CUX2: variants seen among roughly 807,000 people sequenced by gnomAD.
The protein encoded by CUX2 is homeobox protein cut-like 2.
Under a neutral mutation model 144.8 loss-of-function variants are expected in CUX2, and 40 were observed. The observed-to-expected ratio is 0.28, with a 90% CI of 0.21 to 0.36. The LOEUF (loss-of-function observed/expected upper bound fraction) is 0.36, where lower values mean the gene tolerates loss of function less well. Ranked by LOEUF, CUX2 falls within the 10% of genes least tolerant of loss-of-function variation. CUX2 has a pLI of 1.00. For missense variants in CUX2, 1,615 were observed against 1,994.0 expected (o/e 0.81, Z 3.62); for synonymous variants, 827 against 875.6 (o/e 0.94, Z 0.98).
chr12:111,334,444 G>C lies in CUX2; in HGVS notation c.2930G>C (p.Ser977Thr). 1 of 1,587,682 alleles carries C rather than the reference G, an allele frequency of 6.3e-7. No individual in the cohort carries two copies. The highest frequency in any genetic ancestry group is 8.6e-7 in the Non-Finnish European group (1 of 1,167,038). Residue 977 changes from serine to threonine, a missense_variant, in exon 19 of 22, where the codon AGT becomes ACT. This residue lies in a region of CUX2 where 128 missense variants were observed against 124.4 expected (regional missense o/e 1.03). Transcript: ENST00000261726. ...TCTCTTTCTCTGTGGCCCACAGCCA[G>C]TCCCACAGAACCAAGGTCCTCACCA... is the stretch of plus-strand genomic sequence containing the variant. ...VGQQPGASQA[S>T]PTEPRSSPSP...
chr12:111,347,929 C>T lies in CUX2; in HGVS notation c.4065C>T (p.Thr1355=). Residue 1355 remains threonine (T), a synonymous_variant, in exon 22 of 22, where the codon ACC becomes ACT. Transcript: ENST00000261726. ...APGPLLPGGS[T]PDCPSLHPQQ... Reference sequence around the variant, plus strand: ...GGCCCCTCCTTCCAGGTGGATCCACCCCAGACTGTCCCTCACTTCATCCCC... The same window carrying T: ...GGCCCCTCCTTCCAGGTGGATCCACTCCAGACTGTCCCTCACTTCATCCCC... 6.2e-6 allele frequency: 10 copies of T among 1,614,130 alleles called. No homozygotes were observed. The highest frequency in any genetic ancestry group is 7.6e-6 in the Non-Finnish European group (9 of 1,180,038).
intron 3 of CUX2, among the ~76,000 whole-genome samples, chr12:111,247,745 A>G (rs1462328969): frequency 1.3e-5 from 2 of 152,182 alleles, no homozygotes. Flanking sequence ...TTTTGGCTTC[A>G]GCCCTCATGT....
intron 4 of CUX2, among the ~76,000 whole-genome samples, chr12:111,269,632 C>T (rs1884544855): frequency 6.6e-6 from 1 of 152,172 alleles, no homozygotes; most frequent in Non-Finnish European, 1.5e-5. Flanking sequence ...ACAGAAGGGT[C>T]TTACGGCCCC....
At chr12:111,185,779 C>A (rs543907618) in intron 1 of CUX2, among the ~76,000 whole-genome samples, 63 of 152,312 alleles carry the variant, frequency 4.1e-4, no homozygotes, top group African/African-American at 1.3e-3. Flanking sequence ...CCAGTCCCAG[C>A]TCAGCCTGGC....
intron 4 of CUX2, among the ~76,000 whole-genome samples, chr12:111,267,793 C>T (rs1884457128): frequency 6.6e-6 from 1 of 152,022 alleles, no homozygotes; most frequent in South Asian, 2.1e-4. Flanking sequence ...GTATCTTTGT[C>T]TCAATCTCCC....
intron 16 of CUX2, among the ~76,000 whole-genome samples, chr12:111,318,245 C>CTTTTTTTTT (rs541676829): frequency 1.3e-5 from 1 of 78,886 alleles, no homozygotes; most frequent in Non-Finnish European, 2.2e-5. Context: ...TTTCTTTTTT[C>CTTTTTTTTT]TTTTTTTTTT....
chr12:111,196,558 C>A (rs1880254222), intron 1 of CUX2, among the ~76,000 whole-genome samples: 1 of 152,108 alleles, frequency 6.6e-6, no homozygotes, highest in African/African-American at 2.4e-5. Context: ...ATTCTGGGAG[C>A]CACTGGAGCT....
At position 111,314,134 on chromosome 12, in the gene CUX2, C is replaced by T. The variant is rs7301420; in HGVS notation, c.2002+1933C>T. ...GCCTAATTTCCCTCTTGGTCAGTTC[C>T]AGTAGCAAGAGAGATGCAAGACAGA... On this transcript the variant is annotated intron_variant, in intron 16 of 21. Transcript: ENST00000261726. 9.5e-3 allele frequency among the ~76,000 whole-genome samples: 1,443 copies of T among 152,282 alleles called. 24 individuals carry two copies. Among genetic ancestry groups the T allele is most frequent in the African/African-American group, 0.033 (1,387 of 41,554 alleles).
Position 111,312,024 on chromosome 12 carries a change from C to T in CUX2, c.1901-76C>T, listed in dbSNP as rs558959117. 1.4e-5 allele frequency: 18 copies of T among 1,294,986 alleles called. No individual in the cohort carries two copies. The highest frequency in any genetic ancestry group is 1.8e-5 in the Non-Finnish European group (17 of 925,536). The allele number at this position is 1,294,986 out of a possible 1,614,324, so 80.2% of individuals were successfully genotyped here. ...TCACTCTTCTGGGAGGAGGAGACAGCCCCCCTACCCCACCAGGCTCCGGAG... is the reference window on the plus strand; with the variant it reads ...TCACTCTTCTGGGAGGAGGAGACAGTCCCCCTACCCCACCAGGCTCCGGAG... On this transcript the variant is annotated intron_variant, in intron 15 of 21. Coordinates refer to ENST00000261726, the MANE Select transcript of CUX2 (RefSeq NM_015267.4). This position sits in a 1 kb window ranked among gnomAD's most constrained non-coding sequence, Gnocchi z 4.3.
At chr12:111,273,705 G>T (rs771062280) in intron 4 of CUX2, among the ~76,000 whole-genome samples, 3 of 152,178 alleles carry the variant, frequency 2.0e-5, no homozygotes, top group Non-Finnish European at 2.9e-5. Flanking sequence ...GAGGAAGAAA[G>T]GAGCAAGACT....
chr12:111,299,804 C>T (rs543486666), intron 9 of CUX2, among the ~76,000 whole-genome samples: 2 of 152,342 alleles, frequency 1.3e-5, no homozygotes, highest in East Asian at 3.9e-4. Flanking sequence ...TCCTCCCCTG[C>T]AGCAGCCTCT....
At position 111,291,469 on chromosome 12, in the gene CUX2, C is replaced by A. The variant is rs1208831220; in HGVS notation, c.353C>A (p.Pro118His). The change falls in exon 5 of 22, where the codon CCC becomes CAC. Residue 118 changes from proline (P) to histidine (H), a missense_variant. Coordinates refer to ENST00000261726, the MANE Select transcript of CUX2 (RefSeq NM_015267.4). ...AARSLDDRLQ[P>H]PSFDPSGQPR... ...CGCAGCCTAGACGACAGACTGCAGC[C>A]CCCCAGCTTTGACCCCAGTGGGCAG... 1 of 1,612,706 alleles carries A rather than the reference C, an allele frequency of 6.2e-7. No homozygotes were observed. The highest frequency in any genetic ancestry group is 8.5e-7 in the Non-Finnish European group (1 of 1,179,424).
At chr12:111,302,899 T>TAAAAAAAAAAA (rs35454022) in intron 9 of CUX2, among the ~76,000 whole-genome samples, 3 of 109,464 alleles carry the variant, frequency 2.7e-5, no homozygotes, top group Non-Finnish European at 4.0e-5. Flanking sequence ...GACTCTGTCT[T>TAAAAAAAAAAA]AAAAAAAAAA....
Position 111,320,788 on chromosome 12 carries a change from C to A in CUX2, c.2766+13C>A, listed in dbSNP as rs1418779752. ...CTTCGGGGAGAAGGTGAGTGCAGGGCGGGCCCCCGGTGTCTGGGCTCTGGG... is the reference window on the plus strand; with the variant it reads ...CTTCGGGGAGAAGGTGAGTGCAGGGAGGGCCCCCGGTGTCTGGGCTCTGGG... On this transcript the variant is annotated intron_variant, in intron 17 of 21. Transcript: ENST00000261726. This position sits in a 1 kb window ranked among gnomAD's most constrained non-coding sequence, Gnocchi z 8.1. 1 of 1,501,368 alleles carries A rather than the reference C, an allele frequency of 6.7e-7. No individual in the cohort carries two copies. The highest frequency in any genetic ancestry group is 8.9e-7 in the Non-Finnish European group (1 of 1,128,616). The allele number at this position is 1,501,368 out of a possible 1,614,324, so 93.0% of individuals were successfully genotyped here.
In CUX2 at chr12:111,068,255, C is replaced by T. The variant is rs1202306315; in HGVS notation, c.63+34015C>T. ...TTTCTAATTTTGCCGGAGTTGCCCT[C>T]CCCACTTTCCCTCTTCCTTTTCTTT... On this transcript the variant is annotated intron_variant, in intron 1 of 21. Transcript: ENST00000261726. The surrounding 1 kb of genome is among the most constrained non-coding windows in gnomAD (Gnocchi z 4.9). 6.6e-6 allele frequency among the ~76,000 whole-genome samples: 1 copy of T among 152,240 alleles called. No individual in the cohort carries two copies. Among genetic ancestry groups the T allele is most frequent in the Non-Finnish European group, 1.5e-5 (1 of 68,040 alleles).
At chr12:111,283,123 T>C (rs1592915508) in intron 4 of CUX2, among the ~76,000 whole-genome samples, 1 of 151,126 alleles carries the variant, frequency 6.6e-6, no homozygotes, top group South Asian at 2.1e-4. Context: ...GAGGCTGAGG[T>C]GGGAGAATCA....
intron 1 of CUX2, among the ~76,000 whole-genome samples, chr12:111,164,955 G>A (rs11065824): frequency 0.07 from 10,720 of 152,196 alleles, 828 homozygotes; most frequent in African/African-American, 0.19. Flanking sequence ...CCAGCCATGG[G>A]GGGGAGAGGA....
At chr12:111,276,937 G>A (rs946407589) in intron 4 of CUX2, among the ~76,000 whole-genome samples, 4 of 152,158 alleles carry the variant, frequency 2.6e-5, no homozygotes, top group East Asian at 3.9e-4. Flanking sequence ...GTGAGCCACC[G>A]CACCCGGCCA....
intron 3 of CUX2, among the ~76,000 whole-genome samples, chr12:111,226,839 A>G (rs1422833929): frequency 1.3e-5 from 2 of 152,308 alleles, no homozygotes; most frequent in Admixed American, 1.3e-4. Flanking sequence ...ATTTAACAAC[A>G]ATTAGTCTGT....
Sources: allele counts gnomAD v4.1 joint callset (sites outside exome capture counted in the v4.1 genomes callset), GRCh38; gene constraint gnomAD v4.1.1; regional missense constraint gnomAD v4.1.1; non-coding constraint Gnocchi (gnomAD v3.1); transcripts MANE v1.5; gene names NCBI Gene and HGNC (gene_info 2026-07-23, HGNC 2026-07-21).